Variants in ADGRB3 observed in about 807,000 individuals in gnomAD.
ADGRB3 encodes adhesion G protein-coupled receptor B3, also known as brain-specific angiogenesis inhibitor 3.
In ADGRB3, 37 loss-of-function variants were observed where a neutral mutation model predicts 193.4. The ratio of observed to expected loss-of-function variants is 0.19; its 90% CI spans 0.15 to 0.25. The LOEUF is 0.25. ADGRB3 is among the 10% of genes least tolerant of loss of function. The probability of loss-of-function intolerance (pLI) is 1.00; values close to 1 mark genes in which losing one functional copy is unlikely to be tolerated. For missense variants in ADGRB3, 1,637 were observed against 1,852.9 expected, an observed-to-expected ratio of 0.88 and a Z score of 2.14; for synonymous variants, 690 against 644.2, an observed-to-expected ratio of 1.07 and a Z score of -1.08.
chr6:69,265,939 C>T (rs890867736), intron 20 of ADGRB3, among the ~76,000 whole-genome samples: 2 of 151,896 alleles, frequency 1.3e-5, no homozygotes, highest in African/African-American at 4.8e-5. Context: ...TCATTCTTTA[C>T]ATGCTTACTA....
chr6:68,814,609 A>G, intron 3 of ADGRB3, among the ~76,000 whole-genome samples: 1 of 152,080 alleles, frequency 6.6e-6, no homozygotes, highest in Admixed American at 6.5e-5. Context: ...TGTTTTATAC[A>G]TGAAGTCCTT....
chr6:69,327,360 T>C (rs954158935), intron 21 of ADGRB3, among the ~76,000 whole-genome samples: 2 of 152,168 alleles, frequency 1.3e-5, no homozygotes, highest in African/African-American at 4.8e-5. Flanking sequence ...ACTCATAAGA[T>C]GTATGTTTTT....
Position 68,925,079 on chromosome 6 carries a change from A to G in ADGRB3, c.758-5480A>G, listed in dbSNP as rs1034212697. Among the ~76,000 whole-genome samples, 5 of 152,036 alleles carry G rather than the reference A, an allele frequency of 3.3e-5. No homozygotes were observed. The East Asian group carries it at 7.7e-4, about 23-fold the overall frequency. On this transcript the variant is annotated intron_variant, in intron 3 of 31. Transcript: ENST00000370598. ...TATTCAGTTCATGCTAACTGTAGAA[A>G]TGTTTTTGATTATATAAACTCCAGT...
intron 3 of ADGRB3, among the ~76,000 whole-genome samples, chr6:68,836,096 C>A (rs545664193): frequency 5.9e-5 from 9 of 152,090 alleles, no homozygotes; most frequent in Non-Finnish European, 1.2e-4. Context: ...GAAAACACAG[C>A]TGCTGAGTTG....
chr6:69,195,218 A>G (rs1033005591), intron 17 of ADGRB3, among the ~76,000 whole-genome samples: 1 of 152,086 alleles, frequency 6.6e-6, no homozygotes, highest in Non-Finnish European at 1.5e-5. Flanking sequence ...AATTGCAGAT[A>G]CTACTCTTAG....
intron 3 of ADGRB3, among the ~76,000 whole-genome samples, chr6:68,860,210 C>A (rs1765113479): frequency 6.6e-6 from 1 of 151,990 alleles, no homozygotes; most frequent in South Asian, 2.1e-4. Flanking sequence ...ATATATAGTT[C>A]AAAAGGGGAA....
intron 11 of ADGRB3, among the ~76,000 whole-genome samples, chr6:69,002,800 C>T (rs1171559009): frequency 6.6e-6 from 1 of 152,106 alleles, no homozygotes. Flanking sequence ...GAAGGCTTTT[C>T]TGGGTTGGAA....
intron 20 of ADGRB3, among the ~76,000 whole-genome samples, chr6:69,321,451 G>C (rs1218494699): frequency 6.6e-6 from 1 of 151,800 alleles, no homozygotes; most frequent in African/African-American, 2.4e-5. Flanking sequence ...GACACATGGA[G>C]ACATTTGAAT....
At chr6:69,098,023 C>T (rs946791792) in intron 17 of ADGRB3, among the ~76,000 whole-genome samples, 2 of 152,088 alleles carry the variant, frequency 1.3e-5, no homozygotes, top group African/African-American at 4.8e-5. Flanking sequence ...TTGAATTACC[C>T]AGTGAATGAT....
rs531065324 is a variant in ADGRB3, at chr6:69,115,222, A to T, written c.2480+39184A>T. ...AATTCCCATCAATGACAGACTGGAC[A>T]AAGAAAATGTGGCACATATATACCA... On this transcript the variant is annotated intron_variant, in intron 17 of 31. Coordinates refer to ENST00000370598, the MANE Select transcript of ADGRB3 (RefSeq NM_001704.3). 3.6e-4 allele frequency among the ~76,000 whole-genome samples: 55 copies of T among 152,364 alleles called. 1 individual carries two copies. The Middle Eastern group carries it at 0.01, about 28-fold the overall frequency.
chr6:69,350,386 A>T (rs567203897), intron 26 of ADGRB3, among the ~76,000 whole-genome samples: 2 of 150,666 alleles, frequency 1.3e-5, no homozygotes, highest in Non-Finnish European at 2.9e-5. Flanking sequence ...GTTCCTTGCT[A>T]CTCCTGCAGA....
chr6:68,792,977 G>C (rs1348930119), intron 3 of ADGRB3, among the ~76,000 whole-genome samples: 1 of 151,916 alleles, frequency 6.6e-6, no homozygotes, highest in East Asian at 1.9e-4. Flanking sequence ...TCATTTTACT[G>C]TTTGTTTGTC....
In ADGRB3 at chr6:68,956,031, A is replaced by G; in HGVS notation, c.1203A>G (p.Gly401=). ...CTTTTTCTGCTTTGGTAGTTGATGG[A>G]CAGTGGCAAGAGTGGAGTTCGTGGA... The part of the protein sequence containing the change: ...PCNIALCPVD[G]QWQEWSSWSQ... The change falls in exon 7 of 32, where the codon GGA becomes GGG. Residue 401 remains glycine, a synonymous_variant. Transcript: ENST00000370598. 6.2e-7 allele frequency: 1 copy of G among 1,613,224 alleles called. No homozygotes were observed. Among genetic ancestry groups the G allele is most frequent in the Non-Finnish European group, 8.5e-7 (1 of 1,179,742 alleles).
intron 20 of ADGRB3, among the ~76,000 whole-genome samples, chr6:69,302,347 G>A (rs576715375): frequency 6.6e-6 from 1 of 151,872 alleles, no homozygotes; most frequent in African/African-American, 2.4e-5. Context: ...CCGGTCTTTT[G>A]GTTCTGTAAG....
At chr6:68,997,539 C>T (rs1383764382) in intron 11 of ADGRB3, among the ~76,000 whole-genome samples, 1 of 144,152 alleles carries the variant, frequency 6.9e-6, no homozygotes, top group African/African-American at 2.5e-5. Flanking sequence ...GCCTGTAATT[C>T]TAGCTACTCG....
chr6:68,828,647 A>G lies in ADGRB3; in HGVS notation c.758-101912A>G, dbSNP rs1182019871. On this transcript the variant is annotated intron_variant, in intron 3 of 31. Coordinates refer to ENST00000370598, the MANE Select transcript of ADGRB3 (RefSeq NM_001704.3). ...TACAAATATACATATAAACAAAGAA[A>G]ATAGTAAAACAATGTGGCTAATATT... Among the ~76,000 whole-genome samples, 3 of 96,540 alleles carry G rather than the reference A, an allele frequency of 3.1e-5. No individual in the cohort carries two copies. In the East Asian group the frequency reaches 8.7e-4, roughly 28 times the overall value. The allele number at this position is 96,540 out of a possible 152,430, so 63.3% of individuals were successfully genotyped here. A position where few individuals can be genotyped will look rare whatever the true frequency, so the allele number is the denominator to read the frequency against.
chr6:68,659,885 A>G (rs1051036901), intron 3 of ADGRB3, among the ~76,000 whole-genome samples: 1 of 150,928 alleles, frequency 6.6e-6, no homozygotes, highest in African/African-American at 2.4e-5. Context: ...ATTGCTAGGA[A>G]GGATTAACTA....
At position 69,053,289 on chromosome 6, in the gene ADGRB3, C is replaced by T. The variant is rs575789137; in HGVS notation, c.2333+3943C>T. 3.3e-5 allele frequency among the ~76,000 whole-genome samples: 5 copies of T among 152,280 alleles called. 1 individual carries two copies. The highest frequency in any genetic ancestry group is 4.1e-4 in the South Asian group (2 of 4,828). ...TAGATAAGAGAACTGAGATCCTTAT[C>T]GCTTAGGTGACCTGCCTAAGATTAT... On this transcript the variant is annotated intron_variant, in intron 15 of 31. Coordinates refer to ENST00000370598, the MANE Select transcript of ADGRB3 (RefSeq NM_001704.3).
intron 20 of ADGRB3, among the ~76,000 whole-genome samples, chr6:69,265,570 A>G (rs1767022735): frequency 1.3e-5 from 2 of 151,994 alleles, no homozygotes; most frequent in African/African-American, 4.8e-5. Context: ...ATTGAATTTG[A>G]TTTAGATGGA....
Sources: allele counts gnomAD v4.1 joint callset (sites outside exome capture counted in the v4.1 genomes callset), GRCh38; gene constraint gnomAD v4.1.1; transcripts MANE v1.5; gene names NCBI Gene and HGNC (gene_info 2026-07-23, HGNC 2026-07-21).